The following SCN9A variants were observed in gnomAD, a reference collection of about 807,000 sequenced individuals.
The protein encoded by SCN9A is sodium voltage-gated channel alpha subunit 9.
A neutral mutation model predicts 187.0 loss-of-function variants in SCN9A; 131 were observed. That is an observed-to-expected ratio of 0.70 (90% CI 0.61 to 0.81). The LOEUF (loss-of-function observed/expected upper bound fraction) is 0.81. Among genes scored for constraint, SCN9A ranks in the 30% least tolerant of loss-of-function variants. The pLI is 0.00. For missense variants in SCN9A, 2,252 were observed against 2,396.6 expected (o/e 0.94, Z 1.26); for synonymous variants, 809 against 808.6 (o/e 1.00, Z -0.01).
chr2:166,203,835 T>C (rs1693661854), intron 26 of SCN9A, 120 bp downstream of exon 26: 1 of 649,022 alleles, frequency 1.5e-6, no homozygotes, highest in East Asian at 2.8e-5. Flanking sequence ...TTTCATTCTT[T>C]CATTGTACTG....
At position 166,256,660 on chromosome 2, in the gene SCN9A, T is replaced by A. The variant is rs185686785; in HGVS notation, c.3352-4775A>T. 1.9e-3 allele frequency among the ~76,000 whole-genome samples: 283 copies of A among 151,608 alleles called. 1 individual carries two copies. The highest frequency in any genetic ancestry group is 6.5e-3 in the African/African-American group (269 of 41,450). ...AAAACCAATTTTTTTTCCTTTCCTA[T>A]TTTTCTTTGTCTATTGCTAGCAGAG... On this transcript the variant is annotated intron_variant, in intron 17 of 26. Transcript: ENST00000642356.
intron 18 of SCN9A, among the ~76,000 whole-genome samples, chr2:166,244,842 C>A (rs970819740): frequency 4.6e-5 from 7 of 151,938 alleles, no homozygotes; most frequent in Non-Finnish European, 8.8e-5. Flanking sequence ...CTTTACATTA[C>A]AAAAATCTCC....
At position 166,280,523 on chromosome 2, in the gene SCN9A, C is replaced by A; in HGVS notation, c.2177G>T (p.Cys726Phe). 1 of 1,591,666 alleles carries A rather than the reference C, an allele frequency of 6.3e-7. No homozygotes were observed. Among genetic ancestry groups the A allele is most frequent in the African/African-American group, 1.3e-5 (1 of 74,732 alleles). ...RFAHKFLIWN[C>F]SPYWIKFKKC... ...TTTGAATTTTATCCAATATGGAGAG[C>A]AATTCCAGATCAAGAATTTGTGTGC... Residue 726 changes from cysteine to phenylalanine, a missense_variant, in exon 14 of 27, where the codon TGC becomes TTC. Around this residue, in one of 7 missense-constraint regions of SCN9A, gnomAD observed 1,013 missense variants for 997.4 expected, o/e 1.02. Transcript: ENST00000642356.
chr2:166,198,773 G>C lies in SCN9A; in HGVS notation c.5866C>G (p.Pro1956Ala). ...TDATSSTTSPPSYDSVTKPDK... is the reference protein window; with the variant it reads ...TDATSSTTSPASYDSVTKPDK... ...GGCTTTGTTACACTATCATATGAAGGTGGAGAGGTGGTGGATGAAGTGGCA... is the reference window on the plus strand; with the variant it reads ...GGCTTTGTTACACTATCATATGAAGCTGGAGAGGTGGTGGATGAAGTGGCA... Residue 1956 changes from proline (P) to alanine (A), a missense_variant, in exon 27 of 27, where the codon CCT becomes GCT. Coordinates refer to ENST00000642356, the MANE Select transcript of SCN9A (RefSeq NM_001365536.1). 6.2e-7 allele frequency: 1 copy of C among 1,613,514 alleles called. No homozygotes were observed. Among genetic ancestry groups the C allele is most frequent in the Non-Finnish European group, 8.5e-7 (1 of 1,179,616 alleles).
intron 16 of SCN9A, 186 bp downstream of exon 16, chr2:166,276,797 G>T: frequency 2.4e-6 from 1 of 411,714 alleles, no homozygotes; most frequent in Non-Finnish European, 4.0e-6. Flanking sequence ...TGGGTTATTT[G>T]GCTAGGAAAA....
At position 166,370,279 on chromosome 2, in the gene SCN9A, C is replaced by T. The variant is rs554071139; in HGVS notation, c.-51+5418G>A. On this transcript the variant is annotated intron_variant, in intron 1 of 26. Coordinates refer to ENST00000642356, the MANE Select transcript of SCN9A (RefSeq NM_001365536.1). ...AGATAATGGGCTGAGCGCGGTGGCT[C>T]ATGCTTGTAATCCCAGCACTTTGGG... 3.3e-5 allele frequency among the ~76,000 whole-genome samples: 5 copies of T among 149,682 alleles called. No homozygotes were observed. The East Asian group carries it at 7.8e-4, about 23-fold the overall frequency.
intron 20 of SCN9A, 41 bp downstream of exon 20, chr2:166,238,053 A>G (rs1246111245): frequency 1.4e-6 from 2 of 1,472,716 alleles, no homozygotes; most frequent in Non-Finnish European, 1.9e-6. Context: ...AACACACAGT[A>G]AGAATAAATC....
chr2:166,324,394 A>G (rs187773100), intron 1 of SCN9A, among the ~76,000 whole-genome samples: 1 of 152,280 alleles, frequency 6.6e-6, no homozygotes, highest in East Asian at 1.9e-4. Flanking sequence ...TATTTAAGAC[A>G]GTGGACAAAT....
Position 166,281,754 on chromosome 2 carries a change from C to G in SCN9A, c.2029G>C (p.Glu677Gln). The G allele has an allele frequency of 6.2e-7, 1 of 1,613,346 alleles. No homozygotes were observed. Among genetic ancestry groups the G allele is most frequent in the South Asian group, 1.1e-5 (1 of 91,056 alleles). ...KRRCSSYLLS[E>Q]DMLNDPNLRQ... ...AGGTTGGGATCATTCAGCATATCCT[C>G]TGAAAGGAGATAGGAACTACAACGC... The change falls in exon 13 of 27, where the codon GAG becomes CAG. Residue 677 changes from glutamate (E) to glutamine (Q), a missense_variant. Glu to Gln is a conservative substitution (Grantham distance 29, BLOSUM62 2). Transcript: ENST00000642356.
chr2:166,330,719 T>A (rs1444519771), intron 1 of SCN9A, among the ~76,000 whole-genome samples: 3 of 152,014 alleles, frequency 2.0e-5, no homozygotes, highest in Non-Finnish European at 4.4e-5. Flanking sequence ...TCATAAGGAG[T>A]GTGCAACTTA....
intron 1 of SCN9A, among the ~76,000 whole-genome samples, chr2:166,354,012 T>C (rs1290464969): frequency 1.3e-5 from 2 of 152,216 alleles, no homozygotes; most frequent in Admixed American, 6.5e-5. Context: ...GCCTTTAACA[T>C]AGATGTCACA....
intron 1 of SCN9A, among the ~76,000 whole-genome samples, chr2:166,352,251 C>G (rs966562943): frequency 3.9e-5 from 6 of 152,114 alleles, no homozygotes; most frequent in African/African-American, 1.4e-4. Flanking sequence ...ATTTATCTGA[C>G]TTATGGATGA....
chr2:166,301,434 C>G (rs1698552944), intron 7 of SCN9A: 1 of 150,796 alleles, frequency 6.6e-6, no homozygotes, highest in Non-Finnish European at 1.5e-5. Flanking sequence ...TATAAATACT[C>G]CTGCTCATGT....
intron 24 of SCN9A, among the ~76,000 whole-genome samples, chr2:166,215,229 CAG>C (rs1218084952): frequency 5.9e-5 from 9 of 151,858 alleles, no homozygotes; most frequent in Non-Finnish European, 8.8e-5. Context: ...TACGGAAAAA[CAG>C]AAAATATTTT....
intron 1 of SCN9A, among the ~76,000 whole-genome samples, chr2:166,334,398 C>G (rs981308586): frequency 3.3e-5 from 5 of 151,972 alleles, no homozygotes; most frequent in African/African-American, 1.2e-4. Flanking sequence ...GTTCATAGTC[C>G]CATTTATACT....
At position 166,304,221 on chromosome 2, in the gene SCN9A, C is replaced by T. The variant is rs1218291146; in HGVS notation, c.688+17G>A. On this transcript the variant is annotated intron_variant, in intron 6 of 26. Coordinates refer to ENST00000642356, the MANE Select transcript of SCN9A (RefSeq NM_001365536.1). ...GAGTTATGAGTGGCCTAATGCTTCA[C>T]ACCAATTACTTCTTACCTGGGATTA... The T allele has an allele frequency of 3.7e-6, 6 of 1,611,988 alleles. No homozygotes were observed. Among genetic ancestry groups the T allele is most frequent in the African/African-American group, 1.3e-5 (1 of 75,000 alleles).
intron 1 of SCN9A, among the ~76,000 whole-genome samples, chr2:166,367,081 T>C (rs12473416): frequency 0.2 from 30,845 of 152,084 alleles, 4,020 homozygotes; most frequent in Non-Finnish European, 0.29. Context: ...TCCTCCAATA[T>C]AGAATATCTA....
At chr2:166,218,193 G>C (rs577943385) in intron 24 of SCN9A, among the ~76,000 whole-genome samples, 2 of 143,242 alleles carry the variant, frequency 1.4e-5, no homozygotes, top group African/African-American at 2.6e-5. Context: ...ACTAAAGGAC[G>C]TTATGCTAAG....
chr2:166,224,559 G>C (rs570706478), intron 24 of SCN9A, among the ~76,000 whole-genome samples: 7 of 152,226 alleles, frequency 4.6e-5, no homozygotes, highest in Non-Finnish European at 1.0e-4. Context: ...ATCTCAGTTA[G>C]TTGACAAGAA....
Sources: gnomAD v4.1 joint callset for allele counts (sites outside exome capture counted in the v4.1 genomes callset) on GRCh38, gnomAD v4.1.1 for gene constraint, gnomAD v4.1.1 regional missense constraint, MANE v1.5 for transcripts, NCBI Gene and HGNC (gene_info 2026-07-23, HGNC 2026-07-21) for gene names.